The following AGTPBP1 variants were observed in gnomAD, a reference collection of about 807,000 sequenced individuals.
AGTPBP1 encodes cytosolic carboxypeptidase 1.
A neutral mutation model predicts 143.9 loss-of-function variants in AGTPBP1; 70 were observed. That is an observed-to-expected ratio of 0.49 (90% CI 0.40 to 0.59). AGTPBP1 has a LOEUF of 0.59. Ranked by LOEUF, AGTPBP1 falls within the 20% of genes least tolerant of loss-of-function variation. The pLI is 0.00. For synonymous variants in AGTPBP1, 463 were observed against 500.2 expected, an observed-to-expected ratio of 0.93 and a Z score of 0.99; for missense variants, 1,229 against 1,464.5, an observed-to-expected ratio of 0.84 and a Z score of 2.62.
Position 85,589,514 on chromosome 9 carries a change from G to C in AGTPBP1, c.2722+14C>G. 9 of 1,595,426 alleles carry C rather than the reference G, an allele frequency of 5.6e-6. No homozygotes were observed. The highest frequency in any genetic ancestry group is 7.7e-6 in the Non-Finnish European group (9 of 1,172,694). ...GAGAATGACTGCTATTGTGAGTTGG[G>C]AAGACAAACTTACTGAAATGGCAGA... On this transcript the variant is annotated intron_variant, in intron 20 of 25. Coordinates refer to ENST00000357081, the MANE Select transcript of AGTPBP1 (RefSeq NM_001330701.2).
intron 2 of AGTPBP1, among the ~76,000 whole-genome samples, chr9:85,693,768 T>C (rs1564152613): frequency 1.3e-5 from 2 of 151,824 alleles, no homozygotes; most frequent in Non-Finnish European, 2.9e-5. Flanking sequence ...GGAAGTACTA[T>C]GGAGAAAAAG....
chr9:85,798,210 TTC>T, the AGTPBP1 span, among the ~76,000 whole-genome samples: 1 of 152,066 alleles, frequency 6.6e-6, no homozygotes, highest in African/African-American at 2.4e-5. Context: ...CCACATGTTT[TTC>T]TGTTTCTTGA....
intron 2 of AGTPBP1, among the ~76,000 whole-genome samples, chr9:85,708,700 T>C (rs1387552988): frequency 6.6e-6 from 1 of 151,674 alleles, no homozygotes; most frequent in Non-Finnish European, 1.5e-5. Context: ...ACCACGCCCG[T>C]AGTTTTTATA....
chr9:85,555,336 A>C (rs1023447591), intron 25 of AGTPBP1, among the ~76,000 whole-genome samples: 1 of 152,224 alleles, frequency 6.6e-6, no homozygotes, highest in African/African-American at 2.4e-5. Flanking sequence ...GCAGTGGTAC[A>C]CGCCTGTAAT....
chr9:85,702,630 T>C (rs1003802853), intron 2 of AGTPBP1, among the ~76,000 whole-genome samples: 2 of 152,096 alleles, frequency 1.3e-5, no homozygotes, highest in Admixed American at 6.6e-5. Flanking sequence ...AAAAATGTTA[T>C]TTCTGGTAAC....
upstream of AGTPBP1, chr9:85,742,103 T>C (rs777057410): frequency 7.0e-4 from 721 of 1,027,218 alleles, 2 homozygotes; most frequent in Non-Finnish European, 8.4e-4. Context: ...CCGCGTCCCT[T>C]GTTACCTCCG....
rs1459199775 is a variant in AGTPBP1 at position 85,727,122 on chromosome 9, T to C, written c.-33-14556A>G. 2.6e-5 allele frequency among the ~76,000 whole-genome samples: 4 copies of C among 151,706 alleles called. No homozygotes were observed. In the East Asian group the frequency reaches 7.7e-4, roughly 29 times the overall value. ...TGGTCAGGTCACCTGAGGTCAGGAG[T>C]TCGAAACCAGCCTGGCCAATATGGT... On this transcript the variant is annotated intron_variant, in intron 1 of 25. Coordinates refer to ENST00000357081, the MANE Select transcript of AGTPBP1 (RefSeq NM_001330701.2).
chr9:85,765,644 AT>A, the AGTPBP1 span, among the ~76,000 whole-genome samples: 2 of 152,078 alleles, frequency 1.3e-5, no homozygotes, highest in South Asian at 4.1e-4. Flanking sequence ...AGAAAGATGA[AT>A]TTTTGAATCT....
intron 19 of AGTPBP1, among the ~76,000 whole-genome samples, chr9:85,590,608 T>C (rs1311425595): frequency 6.6e-6 from 1 of 152,088 alleles, no homozygotes; most frequent in East Asian, 1.9e-4. Context: ...AATGAATAAA[T>C]GAACCCTACC....
the AGTPBP1 span, among the ~76,000 whole-genome samples, chr9:85,762,855 A>C: frequency 1.3e-5 from 2 of 148,346 alleles, no homozygotes; most frequent in African/African-American, 4.9e-5. Context: ...GTTTATGTAT[A>C]TAAAGTTTAT....
intron 1 of AGTPBP1, among the ~76,000 whole-genome samples, chr9:85,736,156 C>A (rs149818401): frequency 1.3e-5 from 2 of 152,002 alleles, no homozygotes; most frequent in Non-Finnish European, 2.9e-5. Flanking sequence ...AATGTACTAC[C>A]GGGTCTGATT....
In AGTPBP1 at chr9:85,657,621, T is replaced by C. The variant is rs202055245; in HGVS notation, c.723A>G (p.Val241=). 67 of 1,607,942 alleles carry C rather than the reference T, an allele frequency of 4.2e-5. No homozygotes were observed. Among genetic ancestry groups the C allele is most frequent in the Non-Finnish European group, 6.8e-6 (8 of 1,177,958 alleles). The change falls in exon 10 of 26, where the codon GTA becomes GTG. Residue 241 remains valine (V), a synonymous_variant. Coordinates refer to ENST00000357081, the MANE Select transcript of AGTPBP1 (RefSeq NM_001330701.2). ...LKSKTNARRA[V]DRGYVQVLLT... is the part of the protein sequence containing the mutation. ...AAAGCACTTGGACATATCCTCTGTC[T>C]ACAGCTCTCCTGGCATTTGTTTCTT... is the stretch of plus-strand genomic sequence containing the variant.
chr9:85,757,821 A>C, the AGTPBP1 span, among the ~76,000 whole-genome samples: 4 of 152,236 alleles, frequency 2.6e-5, no homozygotes, highest in Non-Finnish European at 5.9e-5. Flanking sequence ...GGGCATAGTC[A>C]TGAAACTATT....
rs902639674 is a variant in AGTPBP1 at position 85,625,726 on chromosome 9, A to C, written c.2016-4441T>G. On this transcript the variant is annotated intron_variant, in intron 14 of 25. Coordinates refer to ENST00000357081, the MANE Select transcript of AGTPBP1 (RefSeq NM_001330701.2). The stretch of plus-strand genomic sequence containing the variant: ...CAGTGAAACCCCATCTCTACTAAAA[A>C]TACAAAAAATTAGCCAGAAGTGGTG... 8.6e-5 allele frequency among the ~76,000 whole-genome samples: 13 copies of C among 152,028 alleles called. No individual in the cohort carries two copies. The East Asian group carries it at 1.9e-3, about 23-fold the overall frequency.
chr9:85,699,367 T>TATTC (rs1836498466), intron 2 of AGTPBP1, among the ~76,000 whole-genome samples: 1 of 152,204 alleles, frequency 6.6e-6, no homozygotes, highest in Non-Finnish European at 1.5e-5. Context: ...TTTGAGCTTA[T>TATTC]ATTCAATCTT....
chr9:85,610,449 T>C (rs1323840920), intron 17 of AGTPBP1, among the ~76,000 whole-genome samples: 1 of 152,210 alleles, frequency 6.6e-6, no homozygotes, highest in Non-Finnish European at 1.5e-5. Context: ...TGCTTAATTT[T>C]AAGATCATTC....
intron 23 of AGTPBP1, among the ~76,000 whole-genome samples, chr9:85,584,851 CTTGACTAAATAGACACATAGGCA>C (rs1828505069): frequency 6.6e-6 from 1 of 152,134 alleles, no homozygotes; most frequent in Non-Finnish European, 1.5e-5. Flanking sequence ...ATATAAAAGA[CTTGACTAAATAGACACATAGGCA>C]ATGGTCACAG....
intron 2 of AGTPBP1, among the ~76,000 whole-genome samples, chr9:85,707,584 T>C (rs1837091704): frequency 6.6e-6 from 1 of 152,100 alleles, no homozygotes; most frequent in Non-Finnish European, 1.5e-5. Context: ...GATAAAAGAA[T>C]ACTTCAACAA....
chr9:85,595,651 T>G (rs1587704153), intron 18 of AGTPBP1, among the ~76,000 whole-genome samples: 1 of 152,122 alleles, frequency 6.6e-6, no homozygotes, highest in African/African-American at 2.4e-5. Context: ...CTCAGCCTCC[T>G]GAGTAGCTGG....
Sources: allele counts gnomAD v4.1 joint callset (sites outside exome capture counted in the v4.1 genomes callset), GRCh38; gene constraint gnomAD v4.1.1; transcripts MANE v1.5; gene names NCBI Gene and HGNC (gene_info 2026-07-23, HGNC 2026-07-21).